PCDHGA2: variants seen among roughly 807,000 people sequenced by gnomAD.
The protein encoded by PCDHGA2 is protocadherin gamma subfamily A, 2.
A neutral mutation model predicts 59.2 loss-of-function variants in PCDHGA2; 40 were observed. The ratio of observed to expected loss-of-function variants is 0.68; its 90% CI spans 0.52 to 0.88. The LOEUF (loss-of-function observed/expected upper bound fraction) is 0.88, where lower values mean the gene tolerates loss of function less well. Ranked by LOEUF, PCDHGA2 falls within the 40% of genes least tolerant of loss-of-function variation. PCDHGA2 has a pLI of 0.00. For synonymous variants in PCDHGA2, 560 were observed against 526.0 expected, an observed-to-expected ratio of 1.06 and a Z score of -0.89; for missense variants, 1,226 against 1,204.0, an observed-to-expected ratio of 1.02 and a Z score of -0.27.
intron 1 of PCDHGA2, chr5:141,382,669 G>GT (rs1778360255): frequency 2.3e-6 from 1 of 433,228 alleles, no homozygotes. Context: ...CAGCGCCGCT[G>GT]TTCACCAACC....
At chr5:141,478,169 G>T in intron 1 of PCDHGA2, 1 of 1,613,834 alleles carries the variant, frequency 6.2e-7, no homozygotes, top group Non-Finnish European at 8.5e-7. Flanking sequence ...TGCCCCCCGG[G>T]AGCAGAAAAA....
At chr5:141,389,582 T>C (rs1266016569) in intron 1 of PCDHGA2, 2 of 1,613,146 alleles carry the variant, frequency 1.2e-6, no homozygotes, top group Non-Finnish European at 1.7e-6. Context: ...CCGCGCTGGG[T>C]CCCGACGGCT....
Position 141,420,095 on chromosome 5 carries a change from G to A in PCDHGA2, c.2425-74712G>A, listed in dbSNP as rs1382286285. 2.5e-6 allele frequency: 4 copies of A among 1,613,882 alleles called. No individual in the cohort carries two copies. Among genetic ancestry groups the A allele is most frequent in the Admixed American group, 1.7e-5 (1 of 60,010 alleles). ...TGTGGGTCCCCCCAACTACAGTGAGGGAACGTTGCCCTATGCCTATAATTT... is the reference window on the plus strand; with the variant it reads ...TGTGGGTCCCCCCAACTACAGTGAGAGAACGTTGCCCTATGCCTATAATTT... On this transcript the variant is annotated intron_variant, in intron 1 of 3. Coordinates refer to ENST00000394576, the MANE Select transcript of PCDHGA2 (RefSeq NM_018915.4).
At chr5:141,458,386 G>A (rs1037969327) in intron 1 of PCDHGA2, among the ~76,000 whole-genome samples, 3 of 152,188 alleles carry the variant, frequency 2.0e-5, no homozygotes, top group African/African-American at 4.8e-5. Context: ...GAAGGAAGAC[G>A]CTCCCCCTTG....
rs1288071067 is a variant in PCDHGA2 at position 141,404,171 on chromosome 5, GC to G, written c.2424+62779del. ...AGAAGATTATTACAGATTGTTGACG[GC>G]CCAAATTCTTGACCGAGAAAAAGCC... On this transcript the variant is annotated intron_variant, in intron 1 of 3. Coordinates refer to ENST00000394576, the MANE Select transcript of PCDHGA2 (RefSeq NM_018915.4). 5.6e-6 allele frequency: 9 copies of G among 1,612,616 alleles called. No homozygotes were observed. The African/African-American group carries it at 9.4e-5, about 17-fold the overall frequency.
intron 1 of PCDHGA2, among the ~76,000 whole-genome samples, chr5:141,425,048 T>C (rs1590618422): frequency 6.6e-6 from 1 of 152,350 alleles, no homozygotes; most frequent in African/African-American, 2.4e-5. Flanking sequence ...AAACTGACTA[T>C]CTAGGGCTCG....
chr5:141,419,578 G>C (rs1339676992), intron 1 of PCDHGA2: 1 of 1,611,722 alleles, frequency 6.2e-7, no homozygotes. Flanking sequence ...ACGGCTCCGC[G>C]CTCTTCGACA....
At chr5:141,423,360 G>A (rs762976655) in intron 1 of PCDHGA2, 1 of 1,614,224 alleles carries the variant, frequency 6.2e-7, no homozygotes, top group Non-Finnish European at 8.5e-7. Context: ...TTGTCATCGT[G>A]CTGCTGGCAC....
intron 1 of PCDHGA2, chr5:141,423,216 G>A (rs376530221): frequency 1.2e-6 from 2 of 1,613,632 alleles, no homozygotes; most frequent in African/African-American, 2.7e-5. Flanking sequence ...CGCTCACCGT[G>A]GCTGTGGCCG....
chr5:141,351,933 T>C, intron 1 of PCDHGA2: 1 of 1,613,206 alleles, frequency 6.2e-7, no homozygotes, highest in South Asian at 1.1e-5. Flanking sequence ...GCGCCACGGG[T>C]GCTGTACCCC....
At chr5:141,343,658 C>A (rs1352931139) in intron 1 of PCDHGA2, among the ~76,000 whole-genome samples, 2 of 152,164 alleles carry the variant, frequency 1.3e-5, no homozygotes, top group African/African-American at 4.8e-5. Flanking sequence ...TAACATATAT[C>A]GATTCAATTA....
chr5:141,346,217 G>A (rs1279529882), intron 1 of PCDHGA2: 12 of 1,614,056 alleles, frequency 7.4e-6, no homozygotes, highest in African/African-American at 2.7e-5. Context: ...TGCAGGCTTC[G>A]GGAGGCGGCT....
intron 1 of PCDHGA2, chr5:141,390,425 G>A (rs908766072): frequency 9.6e-7 from 1 of 1,042,070 alleles, no homozygotes. Flanking sequence ...TTAAAAAGCT[G>A]TCATATCATT....
At chr5:141,419,084 G>A in intron 1 of PCDHGA2, 2 of 1,613,920 alleles carry the variant, frequency 1.2e-6, no homozygotes, top group Non-Finnish European at 1.7e-6. Flanking sequence ...AACAGATGAG[G>A]CCCTGGATCG....
At chr5:141,393,017 C>T (rs1192044321) in intron 1 of PCDHGA2, 2 of 1,613,754 alleles carry the variant, frequency 1.2e-6, no homozygotes, top group Non-Finnish European at 1.7e-6. Context: ...GTATCGTCTC[C>T]AGAGGTAGGA....
At chr5:141,363,501 C>T (rs187528196) in intron 1 of PCDHGA2, among the ~76,000 whole-genome samples, 5 of 152,306 alleles carry the variant, frequency 3.3e-5, no homozygotes, top group African/African-American at 1.2e-4. Context: ...AATAAAACCC[C>T]ATCCTCCACA....
Position 141,421,822 on chromosome 5 carries a change from G to A in PCDHGA2, c.2425-72985G>A, listed in dbSNP as rs2096603648. On this transcript the variant is annotated intron_variant, in intron 1 of 3. Transcript: ENST00000394576. ...CAAGAATCCAGAGCTAGTACTGGAG[G>A]GAAGCCTGGACCGAGAGAAAGAGGC... 3.7e-6 allele frequency: 6 copies of A among 1,613,690 alleles called. No homozygotes were observed. The East Asian group carries it at 1.1e-4, about 30-fold the overall frequency.
intron 1 of PCDHGA2, chr5:141,350,905 G>A (rs1446048202): frequency 6.2e-7 from 1 of 1,614,058 alleles, no homozygotes. Context: ...TGGATGGCGG[G>A]GACCCGCCTC....
intron 1 of PCDHGA2, chr5:141,360,110 G>A (rs1180892188): frequency 1.3e-6 from 2 of 1,563,150 alleles, no homozygotes; most frequent in Non-Finnish European, 1.7e-6. Context: ...TCCTCCTATG[G>A]GCAAAGGAGC....
Sources: gnomAD v4.1 joint callset for allele counts (sites outside exome capture counted in the v4.1 genomes callset) on GRCh38, gnomAD v4.1.1 for gene constraint, MANE v1.5 for transcripts, NCBI Gene and HGNC (gene_info 2026-07-23, HGNC 2026-07-21) for gene names.